Variants in CTNNA2 observed in about 807,000 individuals in gnomAD.
The protein encoded by CTNNA2 is catenin alpha-2.
Under a neutral mutation model 101.0 loss-of-function variants are expected in CTNNA2, and 42 were observed. That is an observed-to-expected ratio of 0.42 (90% CI 0.32 to 0.54). The LOEUF is 0.54. CTNNA2 is among the 20% of genes least tolerant of loss of function. CTNNA2 has a pLI of 0.14. For missense variants in CTNNA2, 871 were observed against 1,223.1 expected, an observed-to-expected ratio of 0.71 and a Z score of 4.29; for synonymous variants, 450 against 456.4, an observed-to-expected ratio of 0.99 and a Z score of 0.18.
At chr2:79,411,586 A>G (rs956635844) in intron 4 of CTNNA2, among the ~76,000 whole-genome samples, 34 of 152,138 alleles carry the variant, frequency 2.2e-4, no homozygotes, top group African/African-American at 8.0e-4. Context: ...GTGGGGGCCA[A>G]TATTCAACAT....
chr2:80,098,290 G>T (rs1465882439), intron 7 of CTNNA2, among the ~76,000 whole-genome samples: 4 of 151,548 alleles, frequency 2.6e-5, no homozygotes, highest in South Asian at 2.1e-4. Flanking sequence ...CTGTTTGCCT[G>T]GGTATCAGCA....
chr2:80,245,135 G>A (rs1671225810), intron 7 of CTNNA2, among the ~76,000 whole-genome samples: 1 of 152,176 alleles, frequency 6.6e-6, no homozygotes, highest in Admixed American at 6.5e-5. Flanking sequence ...GGAAAGCCGG[G>A]GCAGCTGAGC....
At chr2:79,814,746 C>T (rs766060486) in intron 3 of CTNNA2, among the ~76,000 whole-genome samples, 4 of 152,066 alleles carry the variant, frequency 2.6e-5, no homozygotes, top group East Asian at 1.9e-4. Flanking sequence ...CATGCATGTG[C>T]GAGTATCTTT....
chr2:79,388,170 G>T (rs1678126186), intron 4 of CTNNA2, among the ~76,000 whole-genome samples: 1 of 152,152 alleles, frequency 6.6e-6, no homozygotes, highest in African/African-American at 2.4e-5. Flanking sequence ...GACCTCAGTA[G>T]CTTAAAACAG....
intron 3 of CTNNA2, among the ~76,000 whole-genome samples, chr2:79,789,148 A>G (rs530214535): frequency 1.3e-5 from 2 of 152,328 alleles, no homozygotes; most frequent in South Asian, 4.1e-4. Flanking sequence ...GAAAAGGGTA[A>G]CAGCTTTATT....
intron 11 of CTNNA2, among the ~76,000 whole-genome samples, chr2:80,553,128 G>C (rs1423771195): frequency 6.6e-6 from 1 of 151,544 alleles, no homozygotes; most frequent in Admixed American, 6.6e-5. Context: ...GGAGGCTGAG[G>C]CAGGAGAATC....
chr2:80,248,162 T>A (rs1671480113), intron 7 of CTNNA2, among the ~76,000 whole-genome samples: 1 of 152,104 alleles, frequency 6.6e-6, no homozygotes, highest in African/African-American at 2.4e-5. Context: ...TTTAAGAAAC[T>A]CTCTCACCAT....
In CTNNA2 at chr2:79,337,901, A is replaced by G. The variant is rs994613566; in HGVS notation, c.-318+25105A>G. 6.6e-5 allele frequency among the ~76,000 whole-genome samples: 10 copies of G among 152,140 alleles called. No individual in the cohort carries two copies. The South Asian group carries it at 1.2e-3, about 19-fold the overall frequency. Reference sequence around the variant, plus strand: ...TCGTGGGGTTCTGATTTATTCAAGGAGGTAAGAGAAATTTATCCAGAGAAG... The same window carrying G: ...TCGTGGGGTTCTGATTTATTCAAGGGGGTAAGAGAAATTTATCCAGAGAAG... On this transcript the variant is annotated intron_variant, in intron 3 of 21. Transcript: ENST00000466387.
In CTNNA2 at chr2:79,993,179, AT is replaced by A. The variant is rs140587091; in HGVS notation, c.1056+83386del. 7.2e-3 allele frequency among the ~76,000 whole-genome samples: 1,104 copies of A among 152,300 alleles called. 9 individuals are homozygous for A. Among genetic ancestry groups the A allele is most frequent in the African/African-American group, 0.025 (1,030 of 41,564 alleles). The stretch of plus-strand genomic sequence containing the variant: ...GCTTTAGACCCACAGAGGTTTGTTC[AT>A]TTTATCTATGAAATCTGCTTTTTAA... On this transcript the variant is annotated intron_variant, in intron 7 of 18. Transcript: ENST00000402739.
chr2:79,828,785 T>C (rs1252149136), intron 3 of CTNNA2, among the ~76,000 whole-genome samples: 1 of 152,214 alleles, frequency 6.6e-6, no homozygotes, highest in African/African-American at 2.4e-5. Flanking sequence ...TGAGAACCTG[T>C]TAGAAATGCA....
intron 4 of CTNNA2, among the ~76,000 whole-genome samples, chr2:79,456,753 T>C (rs1255252004): frequency 2.0e-5 from 3 of 152,218 alleles, no homozygotes; most frequent in Non-Finnish European, 4.4e-5. Flanking sequence ...CTGAAATTGT[T>C]AAACCTCCAA....
intron 2 of CTNNA2, among the ~76,000 whole-genome samples, chr2:79,678,780 A>G (rs1683365019): frequency 1.3e-5 from 2 of 152,274 alleles, no homozygotes; most frequent in East Asian, 1.9e-4. Flanking sequence ...GTCTCGTTGA[A>G]TAGCATTCTC....
At chr2:80,072,179 CT>C (rs1196284268) in intron 7 of CTNNA2, among the ~76,000 whole-genome samples, 2 of 152,200 alleles carry the variant, frequency 1.3e-5, no homozygotes, top group Admixed American at 6.5e-5. Flanking sequence ...CCATCTGCCC[CT>C]CTTAGTCTAC....
chr2:80,578,156 A>G (rs1695225339), intron 13 of CTNNA2, among the ~76,000 whole-genome samples: 1 of 152,174 alleles, frequency 6.6e-6, no homozygotes, highest in Non-Finnish European at 1.5e-5. Flanking sequence ...AGTTAATCTC[A>G]TAGACTTTTA....
intron 4 of CTNNA2, among the ~76,000 whole-genome samples, chr2:79,379,142 C>T (rs1416028264): frequency 1.3e-5 from 2 of 152,142 alleles, no homozygotes; most frequent in African/African-American, 4.8e-5. Flanking sequence ...TGGTTAACCT[C>T]AGAAATTTTC....
intron 3 of CTNNA2, among the ~76,000 whole-genome samples, chr2:79,754,846 G>A (rs1672291027): frequency 6.6e-6 from 1 of 151,974 alleles, no homozygotes. Context: ...TATGGGGAGC[G>A]GAGGGGATGT....
chr2:80,113,541 G>C (rs1417583360), intron 7 of CTNNA2, among the ~76,000 whole-genome samples: 1 of 152,140 alleles, frequency 6.6e-6, no homozygotes, highest in Non-Finnish European at 1.5e-5. Context: ...CCCACCACCT[G>C]TTTTAGTAAA....
At chr2:79,271,857 G>A (rs955840572) in intron 2 of CTNNA2, among the ~76,000 whole-genome samples, 3 of 152,028 alleles carry the variant, frequency 2.0e-5, no homozygotes, top group African/African-American at 7.2e-5. Flanking sequence ...TATCCCAGGT[G>A]AATAGCAGGT....
intron 7 of CTNNA2, among the ~76,000 whole-genome samples, chr2:79,956,630 C>T (rs572949625): frequency 2.6e-5 from 4 of 152,204 alleles, no homozygotes; most frequent in East Asian, 3.9e-4. Context: ...GAGAATTTAT[C>T]GAACCCATTT....
Sources: allele counts gnomAD v4.1 joint callset (sites outside exome capture counted in the v4.1 genomes callset), GRCh38; gene constraint gnomAD v4.1.1; transcripts MANE v1.5; gene names NCBI Gene and HGNC (gene_info 2026-07-23, HGNC 2026-07-21).